Variants in ATP5F1A observed in about 807,000 individuals in gnomAD.
ATP5F1A encodes the protein ATP synthase F1 subunit alpha, also known as ATP synthase F(1) complex subunit alpha, mitochondrial.
Under a neutral mutation model 57.4 loss-of-function variants are expected in ATP5F1A, and 24 were observed. That is an observed-to-expected ratio of 0.42 (90% CI 0.30 to 0.59). The LOEUF (loss-of-function observed/expected upper bound fraction) is 0.59. Among genes scored for constraint, ATP5F1A ranks in the 20% least tolerant of loss-of-function variants. The pLI is 0.19. For missense variants in ATP5F1A, 494 were observed against 707.9 expected (o/e 0.70, Z 3.43); for synonymous variants, 251 against 255.5 (o/e 0.98, Z 0.17).
chr18:46,102,481 G>A (rs1202971709), upstream of ATP5F1A, among the ~76,000 whole-genome samples: 1 of 151,916 alleles, frequency 6.6e-6, no homozygotes, highest in Non-Finnish European at 1.5e-5. Context: ...GTGCCACCAT[G>A]CCTGGCTAAT....
At position 46,081,661 on chromosome 18, in the gene ATP5F1A, A is replaced by T. The variant is rs1386367485; in HGVS notation, c.*2621T>A. 1 of 28,474 alleles carries T rather than the reference A, an allele frequency of 3.5e-5. No homozygotes were observed. The highest frequency in any genetic ancestry group is 7.2e-5 in the Non-Finnish European group (1 of 13,852). 1.8% of individuals were successfully genotyped at this position (28,474 alleles called of 1,614,324 possible). On this transcript the variant is annotated 3_prime_UTR_variant, in exon 12 of 12. Coordinates refer to ENST00000398752, the MANE Select transcript of ATP5F1A (RefSeq NM_004046.6). ...CCTGGGCAACAAGAGCAAAACTCTC[A>T]AAAAAAAAAAACAAAAAAAAAAAAA...
In ATP5F1A at chr18:46,098,209, G is replaced by A. The variant is rs756837306; in HGVS notation, c.23C>T (p.Ala8Val). 10 of 1,606,638 alleles carry A rather than the reference G, an allele frequency of 6.2e-6. No homozygotes were observed. The highest frequency in any genetic ancestry group is 5.5e-5 in the South Asian group (5 of 91,012). Residue 8 changes from alanine (A) to valine (V), a missense_variant, in exon 1 of 12, where the codon GCG (alanine) becomes GTG (valine). Around this residue, in one of 6 missense-constraint regions of ATP5F1A, gnomAD observed 142 missense variants for 137.5 expected, o/e 1.03. Coordinates refer to ENST00000398752, the MANE Select transcript of ATP5F1A (RefSeq NM_004046.6). ...CCGAGGAAGGGCGCGGACCACGGCC[G>A]CAGCAACGCGCACGGACAGCATCTT... Reference protein sequence around the residue: MLSVRVAAAVVRALPRRA... With the variant: MLSVRVAVAVVRALPRRA...
intron 1 of ATP5F1A, chr18:46,097,850 C>A: frequency 1.7e-6 from 2 of 1,158,316 alleles, no homozygotes; most frequent in Non-Finnish European, 2.1e-6. Context: ...TCAGAACAGG[C>A]CTCGGAGAGC....
chr18:46,094,857 T>G (rs1910824832), intron 2 of ATP5F1A, 196 bp downstream of exon 2: 1 of 809,736 alleles, frequency 1.2e-6, no homozygotes, highest in East Asian at 3.3e-5. Flanking sequence ...GAAAAATATG[T>G]AACAGTAGTT....
At chr18:46,086,533 G>A (rs1351689435) in intron 8 of ATP5F1A, 39 bp from the exon 9 acceptor site, 2 of 1,560,012 alleles carry the variant, frequency 1.3e-6, no homozygotes, top group South Asian at 1.2e-5. Flanking sequence ...CAAGCTTAAA[G>A]TAAGAAATCA....
chr18:46,093,924 T>C (rs1021869470), intron 2 of ATP5F1A, among the ~76,000 whole-genome samples: 5 of 151,998 alleles, frequency 3.3e-5, no homozygotes. Context: ...CTGGCTAACA[T>C]GGTGAAACCT....
chr18:46,095,705 T>C (rs918012120), intron 1 of ATP5F1A, among the ~76,000 whole-genome samples: 1 of 151,154 alleles, frequency 6.6e-6, no homozygotes, highest in Non-Finnish European at 1.5e-5. Flanking sequence ...CAGCCTCGAC[T>C]TCCTGGGCTC....
rs1909785518 is a variant in ATP5F1A, at chr18:46,082,086, A to C, written c.*2196T>G. On this transcript the variant is annotated 3_prime_UTR_variant, in exon 12 of 12. Transcript: ENST00000398752. ...AAAGCCTTTATATATCAGTAAAAAA[A>C]AAAAAAAAAAAAAGAGGCCGGGCGC... is the stretch of plus-strand genomic sequence containing the variant. 6.6e-6 allele frequency: 1 copy of C among 151,194 alleles called. No homozygotes were observed. Among genetic ancestry groups the C allele is most frequent in the Admixed American group, 6.6e-5 (1 of 15,196 alleles). The allele number at this position is 151,194 out of a possible 1,614,324, so 9.4% of individuals were successfully genotyped here.
At chr18:46,095,168 C>G in intron 1 of ATP5F1A, 37 bp from the exon 2 acceptor site, 2 of 1,596,976 alleles carry the variant, frequency 1.3e-6, no homozygotes, top group Non-Finnish European at 1.7e-6. Context: ...TGATTTTTAA[C>G]AAAGCCTTTA....
At chr18:46,098,964 A>G (rs1303280952), upstream of ATP5F1A, among the ~76,000 whole-genome samples, 1 of 152,240 alleles carries the variant, frequency 6.6e-6, no homozygotes, top group Non-Finnish European at 1.5e-5. Flanking sequence ...GGAGGGGAGC[A>G]TCAAGATAAA....
chr18:46,091,680 A>C lies in ATP5F1A; in HGVS notation c.309+2T>G. ...ACACCAAAATCTTATTTTATAATTTACCTTTAAGCCTGAAGAAAACTCTAC... is the reference window on the plus strand; with the variant it reads ...ACACCAAAATCTTATTTTATAATTTCCCTTTAAGCCTGAAGAAAACTCTAC... On this transcript the variant is annotated splice_donor_variant, in intron 3 of 11. Transcript: ENST00000398752. LOFTEE classifies it high-confidence loss of function. 1 of 1,573,282 alleles carries C rather than the reference A, an allele frequency of 6.4e-7. No individual in the cohort carries two copies. Among genetic ancestry groups the C allele is most frequent in the Non-Finnish European group, 8.6e-7 (1 of 1,164,038 alleles).
upstream of ATP5F1A, among the ~76,000 whole-genome samples, chr18:46,103,054 C>T (rs1911326162): frequency 6.6e-6 from 1 of 152,190 alleles, no homozygotes; most frequent in East Asian, 1.9e-4. Context: ...GTAATCCTAG[C>T]TCTTTGAGAG....
At chr18:46,095,028 C>T (rs200765347) in intron 2 of ATP5F1A, 25 bp downstream of exon 2, 109 of 1,603,634 alleles carry the variant, frequency 6.8e-5, no homozygotes, top group Non-Finnish European at 8.3e-5. Flanking sequence ...GTAAGTGCGG[C>T]GTAGACTGAG....
At chr18:46,099,653 T>G (rs531575014), upstream of ATP5F1A, among the ~76,000 whole-genome samples, 22 of 151,606 alleles carry the variant, frequency 1.5e-4, no homozygotes, top group East Asian at 2.0e-3. Flanking sequence ...TGGGGGGAGG[T>G]CTCTCTATGT....
At chr18:46,093,771 C>G (rs1021840166) in intron 2 of ATP5F1A, among the ~76,000 whole-genome samples, 5 of 152,010 alleles carry the variant, frequency 3.3e-5, no homozygotes, top group African/African-American at 1.2e-4. Context: ...TTGCAGTGAG[C>G]TGAGATGGCG....
rs1051912421 is a variant in ATP5F1A, at chr18:46,084,489, C to G, written c.1580+15G>C. ...ACATAACTTTAAAAAAAGATGCCAA[C>G]AATTGCATTCATACCTGATAGTGCC... is the stretch of plus-strand genomic sequence containing the variant. On this transcript the variant is annotated intron_variant, in intron 11 of 11. Coordinates refer to ENST00000398752, the MANE Select transcript of ATP5F1A (RefSeq NM_004046.6). The G allele has an allele frequency of 6.3e-7, 1 of 1,580,826 alleles. No individual in the cohort carries two copies. Among genetic ancestry groups the G allele is most frequent in the Non-Finnish European group, 8.6e-7 (1 of 1,168,128 alleles).
chr18:46,081,514 A>C lies in ATP5F1A; in HGVS notation c.*2768T>G, dbSNP rs188248044. 4.5e-3 allele frequency: 684 copies of C among 151,884 alleles called. 4 individuals carry two copies. The highest frequency in any genetic ancestry group is 7.6e-3 in the Non-Finnish European group (517 of 67,986). The allele number at this position is 151,884 out of a possible 1,614,324, so 9.4% of individuals were successfully genotyped here. ...ACCCCATCTCTACTAAAAATACAAA[A>C]TTAGCCAGGCGTGGTGGTGCATGCC... On this transcript the variant is annotated 3_prime_UTR_variant, in exon 12 of 12. Coordinates refer to ENST00000398752, the MANE Select transcript of ATP5F1A (RefSeq NM_004046.6).
Position 46,098,259 on chromosome 18 carries a change from T to G in ATP5F1A, c.-28A>C. On this transcript the variant is annotated 5_prime_UTR_variant, in exon 1 of 12. Coordinates refer to ENST00000398752, the MANE Select transcript of ATP5F1A (RefSeq NM_004046.6). ...TTGCAGTTACTCCGCAGGCGGTACT[T>G]CTGCAGCCGCAGCCTCCGGACTGAC... 6.3e-7 allele frequency: 1 copy of G among 1,597,324 alleles called. No individual in the cohort carries two copies. Among genetic ancestry groups the G allele is most frequent in the Non-Finnish European group, 8.5e-7 (1 of 1,175,764 alleles).
intron 2 of ATP5F1A, among the ~76,000 whole-genome samples, chr18:46,093,646 A>C (rs959639574): frequency 3.9e-5 from 6 of 152,138 alleles, no homozygotes; most frequent in Non-Finnish European, 5.9e-5. Flanking sequence ...CAACATGGCG[A>C]AACTCTATCT....
Sources: gnomAD v4.1 joint callset for allele counts (sites outside exome capture counted in the v4.1 genomes callset) on GRCh38, gnomAD v4.1.1 for gene constraint, gnomAD v4.1.1 regional missense constraint, MANE v1.5 for transcripts, NCBI Gene and HGNC (gene_info 2026-07-23, HGNC 2026-07-21) for gene names.